CACNA2D3: variants seen among roughly 807,000 people sequenced by gnomAD.
CACNA2D3 encodes voltage-dependent calcium channel subunit alpha-2/delta-3.
Under a neutral mutation model 160.6 loss-of-function variants are expected in CACNA2D3, and 60 were observed. The observed-to-expected ratio is 0.37, with a 90% CI of 0.30 to 0.46. CACNA2D3 has a LOEUF of 0.46. Among genes scored for constraint, CACNA2D3 ranks in the 20% least tolerant of loss-of-function variants. The pLI, the probability that CACNA2D3 is intolerant of heterozygous loss-of-function variation, is 1.00. For missense variants in CACNA2D3, 1,205 were observed against 1,365.0 expected (o/e 0.88, Z 1.85); for synonymous variants, 558 against 492.9 (o/e 1.13, Z -1.75).
At chr3:55,066,950 A>G (rs900599832) in intron 35 of CACNA2D3, among the ~76,000 whole-genome samples, 10 of 152,020 alleles carry the variant, frequency 6.6e-5, no homozygotes, top group Non-Finnish European at 1.0e-4. Flanking sequence ...ATGAAGTTCA[A>G]CCCTGCACCC....
intron 31 of CACNA2D3, among the ~76,000 whole-genome samples, chr3:54,993,896 G>GTGTGTGTGTGTGTGTGTGTGTGTGTGTTT (rs2107119522): frequency 1.4e-5 from 2 of 144,692 alleles, no homozygotes; most frequent in South Asian, 2.2e-4. Context: ...GTGTGTGTGT[G>GTGTGTGTGTGTGTGTGTGTGTGTGTGTTT]TGTGTGTGTG....
At chr3:54,994,044 T>C (rs1468389401) in intron 31 of CACNA2D3, among the ~76,000 whole-genome samples, 1 of 152,050 alleles carries the variant, frequency 6.6e-6, no homozygotes, top group African/African-American at 2.4e-5. Flanking sequence ...ATCTGGCAAA[T>C]GTCCTTGTCG....
intron 4 of CACNA2D3, among the ~76,000 whole-genome samples, chr3:54,406,694 A>G (rs78363676): frequency 0.11 from 16,822 of 152,070 alleles, 1,110 homozygotes; most frequent in African/African-American, 0.18. Context: ...GTTGTAGGTC[A>G]AAGAATACAA....
At chr3:54,571,413 T>C (rs1182837464) in intron 8 of CACNA2D3, among the ~76,000 whole-genome samples, 1 of 152,194 alleles carries the variant, frequency 6.6e-6, no homozygotes, top group Non-Finnish European at 1.5e-5. Flanking sequence ...CTTTGTCTCC[T>C]GTGTAGAGGA....
chr3:55,071,277 C>A (rs1268472898), intron 35 of CACNA2D3, among the ~76,000 whole-genome samples: 1 of 151,962 alleles, frequency 6.6e-6, no homozygotes, highest in African/African-American at 2.4e-5. Flanking sequence ...TTTATAAACC[C>A]AATTTAAGAG....
At chr3:54,402,867 C>T (rs1192031612) in intron 4 of CACNA2D3, among the ~76,000 whole-genome samples, 1 of 152,120 alleles carries the variant, frequency 6.6e-6, no homozygotes, top group East Asian at 1.9e-4. Flanking sequence ...CCAGGACGAA[C>T]CATATGGTAA....
chr3:54,586,402 G>A (rs886440353), intron 9 of CACNA2D3, among the ~76,000 whole-genome samples: 1 of 151,974 alleles, frequency 6.6e-6, no homozygotes, highest in Admixed American at 6.6e-5. Flanking sequence ...AAGTCTTCAG[G>A]GCAAAGAAAA....
At chr3:54,705,007 A>G (rs547711586) in intron 11 of CACNA2D3, among the ~76,000 whole-genome samples, 1 of 152,248 alleles carries the variant, frequency 6.6e-6, no homozygotes, top group East Asian at 1.9e-4. Flanking sequence ...GTACAGAGCT[A>G]CTGTGGACCA....
intron 4 of CACNA2D3, among the ~76,000 whole-genome samples, chr3:54,475,809 TTGTGTG>T (rs3030044): frequency 1.4e-5 from 2 of 142,724 alleles, no homozygotes; most frequent in Admixed American, 1.4e-4. Flanking sequence ...TGGTTACCAT[TTGTGTG>T]TGTGTGTGTG....
rs79777796 is a variant in CACNA2D3 at position 54,219,361 on chromosome 3, T to G, written c.204+95767T>G. Among the ~76,000 whole-genome samples the G allele has an allele frequency of 2.0e-5, 3 of 152,322 alleles. No individual in the cohort carries two copies. The East Asian group carries it at 5.8e-4, about 29-fold the overall frequency. On this transcript the variant is annotated intron_variant, in intron 2 of 37. Transcript: ENST00000474759. The stretch of plus-strand genomic sequence containing the variant: ...ACCTGGAGAGCTGGACACCATTGAC[T>G]TGCACCTATTCATTTGGGCTGGGAT...
chr3:54,129,738 A>T (rs1344439561), intron 2 of CACNA2D3, among the ~76,000 whole-genome samples: 2 of 152,214 alleles, frequency 1.3e-5, no homozygotes, highest in African/African-American at 4.8e-5. Context: ...TTCACAAAAC[A>T]GACCTCGAGT....
chr3:54,138,142 A>G (rs1189863113), intron 2 of CACNA2D3, among the ~76,000 whole-genome samples: 6 of 152,268 alleles, frequency 3.9e-5, no homozygotes, highest in African/African-American at 1.4e-4. Flanking sequence ...CCAGGGCAAC[A>G]CAGCTAATAA....
At chr3:54,935,843 T>C (rs916543383) in intron 27 of CACNA2D3, among the ~76,000 whole-genome samples, 1 of 152,254 alleles carries the variant, frequency 6.6e-6, no homozygotes, top group Non-Finnish European at 1.5e-5. Flanking sequence ...TTCTTTGATA[T>C]ATACATAGCT....
chr3:54,933,325 T>C (rs764214328), intron 27 of CACNA2D3, among the ~76,000 whole-genome samples: 2 of 152,210 alleles, frequency 1.3e-5, no homozygotes, highest in Admixed American at 6.5e-5. Context: ...GAATAGCTCA[T>C]TTATTTCTCT....
intron 11 of CACNA2D3, among the ~76,000 whole-genome samples, chr3:54,646,194 GCTTCCTTCCTTCCTTC>G (rs1169806180): frequency 0.084 from 1,125 of 13,432 alleles, 126 homozygotes; most frequent in African/African-American, 0.17. Flanking sequence ...CTCCTTCCTT[GCTTCCTTCCTTCCTTC>G]CTTCCTTCCT....
At chr3:54,520,798 G>A (rs987474776) in intron 5 of CACNA2D3, among the ~76,000 whole-genome samples, 4 of 152,034 alleles carry the variant, frequency 2.6e-5, no homozygotes, top group Non-Finnish European at 5.9e-5. Context: ...CCTAAGCAAC[G>A]AATGATCTTT....
chr3:54,519,780 A>C (rs1424826279), intron 5 of CACNA2D3, among the ~76,000 whole-genome samples: 2 of 152,216 alleles, frequency 1.3e-5, no homozygotes, highest in Non-Finnish European at 2.9e-5. Flanking sequence ...GATTTGGTTT[A>C]TATTAGCTCA....
At chr3:54,412,436 G>A (rs1465532170) in intron 4 of CACNA2D3, among the ~76,000 whole-genome samples, 3 of 151,792 alleles carry the variant, frequency 2.0e-5, no homozygotes, top group Non-Finnish European at 4.4e-5. Flanking sequence ...TACACATTTA[G>A]GATTGCTTTG....
intron 3 of CACNA2D3, among the ~76,000 whole-genome samples, chr3:54,336,741 G>A (rs1704388940): frequency 6.6e-6 from 1 of 152,162 alleles, no homozygotes; most frequent in East Asian, 1.9e-4. Context: ...GTTCAAATGT[G>A]CTGGATGTGG....
Sources: gnomAD v4.1 joint callset for allele counts (sites outside exome capture counted in the v4.1 genomes callset) on GRCh38, gnomAD v4.1.1 for gene constraint, MANE v1.5 for transcripts, NCBI Gene and HGNC (gene_info 2026-07-23, HGNC 2026-07-21) for gene names.